STARD13: variants seen among roughly 807,000 people sequenced by gnomAD.
The protein encoded by STARD13 is stAR-related lipid transfer protein 13.
A neutral mutation model predicts 106.4 loss-of-function variants in STARD13; 62 were observed. The ratio of observed to expected loss-of-function variants is 0.58; its 90% CI spans 0.48 to 0.72. The LOEUF is 0.72. Among genes scored for constraint, STARD13 ranks in the 30% least tolerant of loss-of-function variants. STARD13 has a pLI of 0.00. For missense variants in STARD13, 1,387 were observed against 1,424.0 expected, an observed-to-expected ratio of 0.97 and a Z score of 0.42; for synonymous variants, 565 against 553.0, an observed-to-expected ratio of 1.02 and a Z score of -0.31.
upstream of STARD13, chr13:33,285,895 C>A (rs1357451346): frequency 3.2e-6 from 2 of 617,374 alleles, no homozygotes; most frequent in Non-Finnish European, 4.7e-6. Flanking sequence ...GAGGCAGTTC[C>A]AGCCGCCAGG....
the STARD13 span, among the ~76,000 whole-genome samples, chr13:33,551,152 A>T: frequency 6.6e-6 from 1 of 152,006 alleles, no homozygotes; most frequent in Non-Finnish European, 1.5e-5. Flanking sequence ...ATCACAGGCA[A>T]CCCGCCATTG....
the STARD13 span, among the ~76,000 whole-genome samples, chr13:33,407,909 G>T: frequency 1.3e-5 from 2 of 152,152 alleles, no homozygotes. Flanking sequence ...GTCTGGATTT[G>T]GGAATAATTG....
downstream of STARD13, among the ~76,000 whole-genome samples, chr13:33,346,661 G>A (rs547948308): frequency 5.9e-5 from 9 of 151,922 alleles, no homozygotes; most frequent in South Asian, 6.2e-4. Context: ...ATGGAGTCTT[G>A]CTCTGTCACC....
At chr13:33,200,514 C>G (rs1236977921) in intron 1 of STARD13, among the ~76,000 whole-genome samples, 3 of 152,222 alleles carry the variant, frequency 2.0e-5, no homozygotes, top group Admixed American at 2.0e-4. Flanking sequence ...TTCCCCTGCT[C>G]CTTCCACACC....
At chr13:33,464,011 C>CA in the STARD13 span, among the ~76,000 whole-genome samples, 202 of 82,364 alleles carry the variant, frequency 2.5e-3, no homozygotes, top group African/African-American at 6.7e-3. Flanking sequence ...GACTCCGTCT[C>CA]AAAAAAAAAA....
intron 3 of STARD13, among the ~76,000 whole-genome samples, chr13:33,144,931 C>A (rs1880327018): frequency 1.3e-5 from 2 of 152,208 alleles, no homozygotes; most frequent in African/African-American, 4.8e-5. Flanking sequence ...AAGGAATCAT[C>A]TTCTATATAC....
intron 1 of STARD13, among the ~76,000 whole-genome samples, chr13:33,322,674 A>G (rs1893604807): frequency 1.3e-5 from 2 of 152,234 alleles, no homozygotes; most frequent in Admixed American, 1.3e-4. Flanking sequence ...AGGATCTGGA[A>G]AGCATTCTAT....
rs149720859 is a variant in STARD13 at position 33,152,593 on chromosome 13, C to A, written c.324-10220G>T. ...TACAGCCTTGTTGCCTCCAGCCAGACCTCAAGGTGGCCCATTACTCAAGAT... is the reference window on the plus strand; with the variant it reads ...TACAGCCTTGTTGCCTCCAGCCAGAACTCAAGGTGGCCCATTACTCAAGAT... On this transcript the variant is annotated intron_variant, in intron 3 of 13. Coordinates refer to ENST00000336934, the MANE Select transcript of STARD13 (RefSeq NM_178006.4). Among the ~76,000 whole-genome samples, 177 of 152,310 alleles carry A rather than the reference C, an allele frequency of 1.2e-3. 1 individual carries two copies. Among genetic ancestry groups the A allele is most frequent in the Middle Eastern group, 6.8e-3 (2 of 294 alleles).
chr13:33,645,268 G>A, the STARD13 span, among the ~76,000 whole-genome samples: 1 of 152,136 alleles, frequency 6.6e-6, no homozygotes, highest in Non-Finnish European at 1.5e-5. Flanking sequence ...GCCTTGCTTA[G>A]CCTTCTTGAG....
At chr13:33,634,170 T>C in the STARD13 span, among the ~76,000 whole-genome samples, 10 of 152,228 alleles carry the variant, frequency 6.6e-5, no homozygotes, top group Non-Finnish European at 1.3e-4. Flanking sequence ...ATTTCTTACA[T>C]ACCTTATTCA....
chr13:33,592,201 A>C, the STARD13 span, among the ~76,000 whole-genome samples: 63 of 152,210 alleles, frequency 4.1e-4, no homozygotes, highest in African/African-American at 1.2e-3. Flanking sequence ...AGTCCAGTGG[A>C]TCGATTTTCA....
chr13:33,208,586 G>A (rs1887544737), intron 1 of STARD13, among the ~76,000 whole-genome samples: 1 of 152,192 alleles, frequency 6.6e-6, no homozygotes, highest in Non-Finnish European at 1.5e-5. Flanking sequence ...TAGAGCACAG[G>A]TGTAACACAG....
intron 1 of STARD13, among the ~76,000 whole-genome samples, chr13:33,329,049 T>C (rs559104581): frequency 9.2e-5 from 14 of 152,370 alleles, no homozygotes; most frequent in Admixed American, 4.6e-4. Flanking sequence ...TTCTGCACCA[T>C]GAATTAATAC....
intron 1 of STARD13, among the ~76,000 whole-genome samples, chr13:33,247,217 AAATT>A (rs1172028102): frequency 7.0e-6 from 1 of 142,878 alleles, no homozygotes; most frequent in Non-Finnish European, 1.6e-5. Context: ...ATAAATAAAT[AAATT>A]AAATAAATAA....
At chr13:33,210,549 C>A (rs1002186242) in intron 1 of STARD13, among the ~76,000 whole-genome samples, 1 of 152,152 alleles carries the variant, frequency 6.6e-6, no homozygotes, top group Admixed American at 6.5e-5. Context: ...TGCCACAGAG[C>A]TTAGCATAAG....
At chr13:33,340,454 G>GA (rs11371383) in intron 1 of STARD13, among the ~76,000 whole-genome samples, 151,235 of 152,346 alleles carry the variant, frequency 0.99, 75,074 homozygotes, top group South Asian at 1. Flanking sequence ...CAAGAAATTT[G>GA]AAATGTTTCC....
At chr13:33,177,049 C>T (rs182235777) in intron 1 of STARD13, among the ~76,000 whole-genome samples, 29 of 152,266 alleles carry the variant, frequency 1.9e-4, no homozygotes, top group Admixed American at 6.5e-4. Flanking sequence ...GAAGTACATG[C>T]TATGTAAAGA....
At chr13:33,107,882 T>C (rs1210482843) in intron 12 of STARD13, among the ~76,000 whole-genome samples, 1 of 152,206 alleles carries the variant, frequency 6.6e-6, no homozygotes, top group Non-Finnish European at 1.5e-5. Flanking sequence ...AGAATTCCCA[T>C]GATTTACTCC....
At chr13:33,538,827 T>C in the STARD13 span, among the ~76,000 whole-genome samples, 1 of 151,228 alleles carries the variant, frequency 6.6e-6, no homozygotes. Flanking sequence ...TGGAGTGCAG[T>C]GTTATAATCT....
Sources: gnomAD v4.1 joint callset for allele counts (sites outside exome capture counted in the v4.1 genomes callset) on GRCh38, gnomAD v4.1.1 for gene constraint, MANE v1.5 for transcripts, NCBI Gene and HGNC (gene_info 2026-07-23, HGNC 2026-07-21) for gene names.